Variants in PDE1A observed in about 807,000 individuals in gnomAD.
PDE1A encodes the protein dual specificity calcium/calmodulin-dependent 3',5'-cyclic nucleotide phosphodiesterase 1A.
In PDE1A, 35 loss-of-function variants were observed where a neutral mutation model predicts 61.7. That is an observed-to-expected ratio of 0.57 (90% CI 0.43 to 0.75). The LOEUF (loss-of-function observed/expected upper bound fraction) is 0.75, where lower values mean the gene tolerates loss of function less well. Among genes scored for constraint, PDE1A ranks in the 30% least tolerant of loss-of-function variants. PDE1A has a pLI of 0.00. For synonymous variants in PDE1A, 232 were observed against 213.2 expected, an observed-to-expected ratio of 1.09 and a Z score of -0.77; for missense variants, 597 against 630.6, an observed-to-expected ratio of 0.95 and a Z score of 0.57.
chr2:182,336,136 G>A (rs1328739296), intron 1 of PDE1A, among the ~76,000 whole-genome samples: 1 of 152,208 alleles, frequency 6.6e-6, no homozygotes, highest in Admixed American at 6.5e-5. Context: ...TGAAGAGGAT[G>A]TGAAGAAATA....
chr2:182,672,765 G>T, the PDE1A span, among the ~76,000 whole-genome samples: 1 of 152,188 alleles, frequency 6.6e-6, no homozygotes, highest in Non-Finnish European at 1.5e-5. Flanking sequence ...TGCCTGCCAC[G>T]TCCTTCTGTT....
At chr2:182,210,900 CAA>C (rs60586885) in intron 7 of PDE1A, among the ~76,000 whole-genome samples, 4,737 of 147,016 alleles carry the variant, frequency 0.032, 239 homozygotes, top group African/African-American at 0.11. Flanking sequence ...GGTAATTTAT[CAA>C]AAAAAAAAAA....
intron 1 of PDE1A, among the ~76,000 whole-genome samples, chr2:182,366,117 C>T (rs1304593766): frequency 6.6e-6 from 1 of 152,008 alleles, no homozygotes; most frequent in African/African-American, 2.4e-5. Flanking sequence ...GGAGCAGGCA[C>T]TGTGAGAAGT....
rs559929514 is a variant in PDE1A, at chr2:182,140,233, A to T, written c.*2849T>A. 3.9e-5 allele frequency: 6 copies of T among 151,964 alleles called. No individual in the cohort carries two copies. In the East Asian group the frequency reaches 9.7e-4, roughly 25 times the overall value. The allele number at this position is 151,964 out of a possible 1,614,324, so 9.4% of individuals were successfully genotyped here. A position where few individuals can be genotyped will look rare whatever the true frequency, so the allele number is the denominator to read the frequency against. ...ACAGTCTGTGTAGATTATCTCCTTT[A>T]TAAGACTTGAAATTTCTAGAGGAAA... On this transcript the variant is annotated 3_prime_UTR_variant, in exon 15 of 15. Transcript: ENST00000435564.
chr2:182,384,026 C>T (rs1337850579), intron 1 of PDE1A, among the ~76,000 whole-genome samples: 6 of 152,182 alleles, frequency 3.9e-5, no homozygotes, highest in Non-Finnish European at 5.9e-5. Flanking sequence ...AGGATTTAGG[C>T]TTCTGTGGTA....
chr2:182,315,983 A>T (rs950623514), intron 1 of PDE1A, among the ~76,000 whole-genome samples: 1 of 152,228 alleles, frequency 6.6e-6, no homozygotes, highest in African/African-American at 2.4e-5. Context: ...TACAAGCAAT[A>T]AAAATTGACC....
the PDE1A span, among the ~76,000 whole-genome samples, chr2:182,699,629 G>T: frequency 6.6e-6 from 1 of 152,118 alleles, no homozygotes; most frequent in Non-Finnish European, 1.5e-5. Context: ...GACAGTTACA[G>T]GTTCTTAAGA....
chr2:182,165,474 T>C (rs1559127263), downstream of PDE1A, among the ~76,000 whole-genome samples: 1 of 152,172 alleles, frequency 6.6e-6, no homozygotes, highest in Non-Finnish European at 1.5e-5. Flanking sequence ...ATTGGCCTAC[T>C]GTTCCACAAT....
chr2:182,554,529 G>A, the PDE1A span, among the ~76,000 whole-genome samples: 1 of 152,078 alleles, frequency 6.6e-6, no homozygotes, highest in Non-Finnish European at 1.5e-5. Context: ...GAAGGTGTGG[G>A]TTCTGAAACT....
At chr2:182,705,370 G>A in the PDE1A span, among the ~76,000 whole-genome samples, 8 of 152,110 alleles carry the variant, frequency 5.3e-5, no homozygotes, top group Non-Finnish European at 8.8e-5. Flanking sequence ...CCATCGACTT[G>A]GTGGCAGTCT....
At chr2:182,237,776 C>T (rs541922714) in intron 3 of PDE1A, among the ~76,000 whole-genome samples, 5 of 152,188 alleles carry the variant, frequency 3.3e-5, no homozygotes, top group Admixed American at 3.3e-4. Context: ...GTGGGGAGAA[C>T]CACTTCTGAC....
At position 182,153,555 on chromosome 2, in the gene PDE1A, G is replaced by A. The variant is rs181668342; in HGVS notation, c.1517-6403C>T. Among the ~76,000 whole-genome samples the A allele has an allele frequency of 6.4e-4, 98 of 152,304 alleles. 1 individual carries two copies. The highest frequency in any genetic ancestry group is 2.2e-3 in the African/African-American group (91 of 41,574). On this transcript the variant is annotated intron_variant, in intron 13 of 13. Coordinates refer to the PDE1A transcript ENST00000409365. ...TAGAAGGGAACTTTGTGACTGAATC[G>A]CAGATCTTCTTAAAAGAAAGCAGGC...
chr2:182,714,563 T>C, the PDE1A span, among the ~76,000 whole-genome samples: 62 of 151,990 alleles, frequency 4.1e-4, no homozygotes, highest in Middle Eastern at 0.01. Flanking sequence ...AATCACCATC[T>C]CTTACTTTTT....
intron 1 of PDE1A, among the ~76,000 whole-genome samples, chr2:182,297,497 C>T (rs992217246): frequency 1.3e-5 from 2 of 152,202 alleles, no homozygotes; most frequent in Admixed American, 6.5e-5. Flanking sequence ...AACTAGACAA[C>T]GTTCCCTAAG....
At chr2:182,310,289 C>G (rs1469516245) in intron 1 of PDE1A, among the ~76,000 whole-genome samples, 5 of 152,058 alleles carry the variant, frequency 3.3e-5, no homozygotes, top group Admixed American at 3.3e-4. Flanking sequence ...TAGTTAATAA[C>G]TTATTAATAT....
At chr2:182,186,635 C>A (rs749340502) in intron 11 of PDE1A, 47 bp from the exon 12 acceptor site, 9 of 1,549,326 alleles carry the variant, frequency 5.8e-6, no homozygotes, top group Non-Finnish European at 7.8e-6. Context: ...TCAAGTGTTA[C>A]AATTTCCTGA....
chr2:182,189,979 A>G (rs1685552954), intron 10 of PDE1A, among the ~76,000 whole-genome samples: 1 of 152,216 alleles, frequency 6.6e-6, no homozygotes. Context: ...CCAGCCTTGC[A>G]TCATTAAGTC....
intron 1 of PDE1A, among the ~76,000 whole-genome samples, chr2:182,398,053 A>G (rs1338928657): frequency 6.6e-6 from 1 of 152,072 alleles, no homozygotes; most frequent in African/African-American, 2.4e-5. Flanking sequence ...CATGGTTTAG[A>G]TAGATGAGGC....
the PDE1A span, among the ~76,000 whole-genome samples, chr2:182,635,772 T>C: frequency 5.9e-5 from 9 of 151,970 alleles, no homozygotes; most frequent in African/African-American, 2.2e-4. Context: ...TTGGTTTTCT[T>C]TTTCCAGCTT....
Sources: allele counts gnomAD v4.1 joint callset (sites outside exome capture counted in the v4.1 genomes callset), GRCh38; gene constraint gnomAD v4.1.1; transcripts MANE v1.5; gene names NCBI Gene and HGNC (gene_info 2026-07-23, HGNC 2026-07-21).